The following ADAM12 variants were observed in gnomAD, a reference collection of about 807,000 sequenced individuals.
ADAM12 encodes ADAM metallopeptidase domain 12, also known as disintegrin and metalloproteinase domain-containing protein 12.
In ADAM12, 70 loss-of-function variants were observed where a neutral mutation model predicts 106.4. The observed-to-expected ratio is 0.66, with a 90% CI of 0.54 to 0.80. The LOEUF (loss-of-function observed/expected upper bound fraction) is 0.80. Ranked by LOEUF, ADAM12 falls within the 30% of genes least tolerant of loss-of-function variation. ADAM12 has a pLI of 0.00. For missense variants in ADAM12, 1,010 were observed against 1,171.9 expected, an observed-to-expected ratio of 0.86 and a Z score of 2.02; for synonymous variants, 420 against 433.5, an observed-to-expected ratio of 0.97 and a Z score of 0.39.
intron 2 of ADAM12, among the ~76,000 whole-genome samples, chr10:126,296,192 A>G (rs1002757158): frequency 3.9e-5 from 6 of 152,238 alleles, no homozygotes; most frequent in Admixed American, 3.3e-4. Context: ...CCAGGCCTGG[A>G]GTATAGTGGT....
chr10:126,161,098 C>A (rs751110977), intron 3 of ADAM12, among the ~76,000 whole-genome samples: 1 of 141,274 alleles, frequency 7.1e-6, no homozygotes, highest in Non-Finnish European at 1.6e-5. Context: ...TTTGTTTATG[C>A]GTCTCCTTAC....
At chr10:126,065,473 C>T (rs1371858016) in intron 13 of ADAM12, among the ~76,000 whole-genome samples, 3 of 152,158 alleles carry the variant, frequency 2.0e-5, no homozygotes, top group Admixed American at 6.5e-5. Context: ...CAATTTTAGT[C>T]AGTCGTCAAA....
intron 3 of ADAM12, among the ~76,000 whole-genome samples, chr10:126,273,783 G>A (rs1959194040): frequency 6.6e-6 from 1 of 152,178 alleles, no homozygotes; most frequent in African/African-American, 2.4e-5. Context: ...GATCCACAGA[G>A]AAATGTTATT....
rs144740596 is a variant in ADAM12, at chr10:126,334,255, C to T, written c.89-3746G>A. On this transcript the variant is annotated intron_variant, in intron 1 of 22. Coordinates refer to ENST00000448723, the MANE Select transcript of ADAM12 (RefSeq NM_001288973.2). The stretch of plus-strand genomic sequence containing the variant: ...TGAGAAACCCGGGGAAAAAATATGA[C>T]CCTATAAAATACACAGTTTGCATAT... Among the ~76,000 whole-genome samples, 1,422 of 152,136 alleles carry T rather than the reference C, an allele frequency of 9.3e-3. 14 individuals carry two copies. Among genetic ancestry groups the T allele is most frequent in the Non-Finnish European group, 0.011 (749 of 67,988 alleles).
chr10:126,354,541 T>C, intron 1 of ADAM12, among the ~76,000 whole-genome samples: 1 of 152,242 alleles, frequency 6.6e-6, no homozygotes, highest in Non-Finnish European at 1.5e-5. Flanking sequence ...TAATTGTTTA[T>C]GTTTCATAGT....
intron 8 of ADAM12, 68 bp from the exon 9 acceptor site, chr10:126,101,309 A>G (rs766736076): frequency 1.1e-4 from 167 of 1,533,884 alleles, no homozygotes; most frequent in Non-Finnish European, 1.5e-4. Flanking sequence ...AATGAAAATT[A>G]GAACAGATTT....
chr10:126,158,101 G>A (rs926122082), intron 3 of ADAM12, among the ~76,000 whole-genome samples: 12 of 152,226 alleles, frequency 7.9e-5, no homozygotes, highest in African/African-American at 2.9e-4. Flanking sequence ...AACCAGAGAC[G>A]GGGACTTGAG....
rs367856090 is a variant in ADAM12 at position 126,071,579 on chromosome 10, C to T, written c.1221G>A (p.Val407=). 6 of 1,614,084 alleles carry T rather than the reference C, an allele frequency of 3.7e-6. No homozygotes were observed. In the African/African-American group the frequency reaches 6.7e-5, roughly 18 times the overall value. ...TGACTTCCGGCAGGTTAAACAGGCA[C>T]ACCCCCATTCCTTTCTCCAGGCTGG... ...LETSLEKGMG[V]CLFNLPEVRE... Residue 407 remains valine (V), a synonymous_variant, in exon 12 of 23, where the codon GTG becomes GTA. Transcript: ENST00000448723.
chr10:126,204,361 G>A (rs1590615895), intron 3 of ADAM12, among the ~76,000 whole-genome samples: 1 of 152,342 alleles, frequency 6.6e-6, no homozygotes, highest in East Asian at 1.9e-4. Flanking sequence ...AGAAAGCCCA[G>A]AGAATTGCAG....
At chr10:126,313,971 A>C (rs1198598796) in intron 2 of ADAM12, among the ~76,000 whole-genome samples, 1 of 152,046 alleles carries the variant, frequency 6.6e-6, no homozygotes, top group East Asian at 1.9e-4. Flanking sequence ...GGCAGAGACG[A>C]GAAGGGACTC....
At chr10:126,254,713 G>A (rs1958855946) in intron 3 of ADAM12, among the ~76,000 whole-genome samples, 1 of 152,126 alleles carries the variant, frequency 6.6e-6, no homozygotes, top group Admixed American at 6.5e-5. Flanking sequence ...TGACCGCTCT[G>A]CTCACATGCT....
chr10:126,122,697 GT>G (rs1485939310), intron 5 of ADAM12, among the ~76,000 whole-genome samples: 3 of 152,166 alleles, frequency 2.0e-5, no homozygotes, highest in African/African-American at 4.8e-5. Flanking sequence ...GGAGGCAGAG[GT>G]TGCAGTGAGC....
At chr10:126,099,792 T>C (rs1244956226) in intron 9 of ADAM12, among the ~76,000 whole-genome samples, 1 of 152,218 alleles carries the variant, frequency 6.6e-6, no homozygotes, top group East Asian at 1.9e-4. Context: ...GACTGGTTTT[T>C]TAACTTTCCA....
At chr10:126,286,871 G>A (rs893451100) in intron 2 of ADAM12, among the ~76,000 whole-genome samples, 1 of 152,284 alleles carries the variant, frequency 6.6e-6, no homozygotes, top group Non-Finnish European at 1.5e-5. Flanking sequence ...AGGATGGCAT[G>A]TATTATCCTT....
At chr10:126,266,040 G>T (rs755862797) in intron 3 of ADAM12, among the ~76,000 whole-genome samples, 1 of 152,190 alleles carries the variant, frequency 6.6e-6, no homozygotes, top group Non-Finnish European at 1.5e-5. Context: ...CGTGATGTCT[G>T]GGGGTGGGGG....
chr10:126,262,284 T>C (rs1959017433), intron 3 of ADAM12, among the ~76,000 whole-genome samples: 1 of 152,194 alleles, frequency 6.6e-6, no homozygotes, highest in African/African-American at 2.4e-5. Flanking sequence ...GTATTTGTGT[T>C]GGTTTTCACT....
chr10:126,248,451 C>T (rs1958672936), intron 3 of ADAM12, among the ~76,000 whole-genome samples: 1 of 152,134 alleles, frequency 6.6e-6, no homozygotes, highest in Non-Finnish European at 1.5e-5. Context: ...CAGGCCTTGC[C>T]ACCCCTCGAG....
intron 2 of ADAM12, among the ~76,000 whole-genome samples, chr10:126,325,709 T>C (rs1037265232): frequency 1.3e-5 from 2 of 152,182 alleles, no homozygotes; most frequent in African/African-American, 4.8e-5. Context: ...TCAATCACAT[T>C]TTGACATGTC....
At chr10:126,097,673 A>G (rs1197126113) in intron 10 of ADAM12, among the ~76,000 whole-genome samples, 1 of 152,194 alleles carries the variant, frequency 6.6e-6, no homozygotes, top group East Asian at 1.9e-4. Flanking sequence ...TCTGGTGCAG[A>G]GGAGACACTA....
Sources: allele counts gnomAD v4.1 joint callset (sites outside exome capture counted in the v4.1 genomes callset), GRCh38; gene constraint gnomAD v4.1.1; transcripts MANE v1.5; gene names NCBI Gene and HGNC (gene_info 2026-07-23, HGNC 2026-07-21).